ATP5PO: variants seen among roughly 807,000 people sequenced by gnomAD.
The protein encoded by ATP5PO is ATP synthase peripheral stalk subunit OSCP, mitochondrial.
Under a neutral mutation model 26.2 loss-of-function variants are expected in ATP5PO, and 14 were observed. That is an observed-to-expected ratio of 0.53 (90% CI 0.35 to 0.83). The LOEUF is 0.83. ATP5PO is among the 40% of genes least tolerant of loss of function. The pLI, the probability that ATP5PO is intolerant of heterozygous loss-of-function variation, is 0.01. For missense variants in ATP5PO, 241 were observed against 258.5 expected, an observed-to-expected ratio of 0.93 and a Z score of 0.46; for synonymous variants, 106 against 95.1, an observed-to-expected ratio of 1.12 and a Z score of -0.67.
chr21:33,907,253 G>C (rs920754328), intron 5 of ATP5PO, 88 bp downstream of exon 5: 1 of 1,185,706 alleles, frequency 8.4e-7, no homozygotes, highest in East Asian at 2.4e-5. Context: ...CCAATTTCTT[G>C]ATTTTACCCT....
intron 3 of ATP5PO, among the ~76,000 whole-genome samples, chr21:33,911,662 G>GTTTTTTTTTTTTTT (rs58774588): frequency 1.2e-4 from 11 of 92,080 alleles, no homozygotes; most frequent in Non-Finnish European, 1.6e-4. Context: ...ATAAGCATAG[G>GTTTTTTTTTTTTTT]TTTTTTTTTT....
chr21:33,914,391 G>T, intron 2 of ATP5PO, 59 bp downstream of exon 2: 1 of 1,529,390 alleles, frequency 6.5e-7, no homozygotes, highest in Non-Finnish European at 9.0e-7. Flanking sequence ...TGACTGTACT[G>T]CTGTTTGACT....
intron 3 of ATP5PO, 109 bp downstream of exon 3, chr21:33,912,180 T>C: frequency 1.2e-6 from 1 of 817,808 alleles, no homozygotes; most frequent in Non-Finnish European, 1.8e-6. Context: ...ACAATGGCTT[T>C]TTCCCAGTTT....
At chr21:33,911,759 C>T (rs376417982) in intron 3 of ATP5PO, among the ~76,000 whole-genome samples, 4 of 150,672 alleles carry the variant, frequency 2.7e-5, no homozygotes, top group African/African-American at 9.8e-5. Flanking sequence ...CTCGGCTTCC[C>T]AGGTTCAAGC....
At chr21:33,903,777 G>T in intron 6 of ATP5PO, 138 bp from the exon 7 acceptor site, 2 of 1,094,340 alleles carry the variant, frequency 1.8e-6, no homozygotes, top group Non-Finnish European at 2.6e-6. Context: ...AAGTAAAACT[G>T]CACAGTCAGA....
chr21:33,913,568 G>C (rs549184621), intron 2 of ATP5PO, among the ~76,000 whole-genome samples: 1 of 152,234 alleles, frequency 6.6e-6, no homozygotes, highest in Non-Finnish European at 1.5e-5. Flanking sequence ...TCATTTCAGG[G>C]GGCCTTCTGG....
rs141948301 is a variant in ATP5PO, at chr21:33,911,017, T to C, written c.198+1272A>G. ...TCTAAACAATAAAAACTTGCAGATA[T>C]GTGAATTAAAGAATGAAGAATCTTA... On this transcript the variant is annotated intron_variant, in intron 3 of 6. Transcript: ENST00000290299. Among the ~76,000 whole-genome samples, 1,480 of 152,306 alleles carry C rather than the reference T, an allele frequency of 9.7e-3. 20 individuals carry two copies. The highest frequency in any genetic ancestry group is 0.034 in the African/African-American group (1,405 of 41,554).
chr21:33,915,675 G>A, intron 1 of ATP5PO, 53 bp downstream of exon 1: 1 of 1,546,542 alleles, frequency 6.5e-7, no homozygotes, highest in Non-Finnish European at 8.7e-7. Flanking sequence ...GTTTGGTACC[G>A]GTCATCCCAG....
chr21:33,903,843 GA>G (rs1987134231), intron 6 of ATP5PO, 91 bp downstream of exon 6: 6 of 1,206,140 alleles, frequency 5.0e-6, no homozygotes, highest in Middle Eastern at 2.2e-4. Context: ...AATTAGTATA[GA>G]GTTAGATCTA....
At chr21:33,908,394 T>C (rs146654600) in intron 4 of ATP5PO, among the ~76,000 whole-genome samples, 131 of 152,218 alleles carry the variant, frequency 8.6e-4, no homozygotes, top group African/African-American at 3.0e-3. Flanking sequence ...AACTTTTATT[T>C]TGAGCTGGCT....
At chr21:33,905,193 A>G (rs967271853) in intron 5 of ATP5PO, among the ~76,000 whole-genome samples, 1 of 152,070 alleles carries the variant, frequency 6.6e-6, no homozygotes, top group Non-Finnish European at 1.5e-5. Flanking sequence ...GCCAGAATCT[A>G]TTCGTGTTCA....
chr21:33,914,612 C>T (rs1987290399), intron 1 of ATP5PO, 112 bp from the exon 2 acceptor site: 1 of 991,120 alleles, frequency 1.0e-6, no homozygotes, highest in Non-Finnish European at 1.5e-6. Context: ...ACTTTTGTCT[C>T]TTTGTATATT....
chr21:33,914,435 T>C lies in ATP5PO; in HGVS notation c.87+15A>G. The C allele has an allele frequency of 6.2e-7, 1 of 1,610,044 alleles. No individual in the cohort carries two copies. The highest frequency in any genetic ancestry group is 1.1e-5 in the South Asian group (1 of 90,696). On this transcript the variant is annotated intron_variant, in intron 2 of 6. Transcript: ENST00000290299. Reference sequence around the variant, plus strand: ...CGCGTACTTTATCATTACAGAAGAATATAAATTAACATACCCTCACAAGCT... The same window carrying C: ...CGCGTACTTTATCATTACAGAAGAACATAAATTAACATACCCTCACAAGCT...
Position 33,915,744 on chromosome 21 carries a change from G to C in ATP5PO, c.20C>G (p.Ser7Cys), listed in dbSNP as rs781740423. The change falls in exon 1 of 7, where the codon TCC becomes TGC. Residue 7 changes from serine (S) to cysteine (C), a missense_variant. By Grantham distance (112) the Ser-to-Cys change is moderately radical (BLOSUM62 -1). Transcript: ENST00000290299. ...TTCTCTCACCTGCCGGGAGAGCCCG[G>C]ACACTGCTGGGGCAGCCATCTTCTC... MAAPAV[S>C]GLSRQVRCFS... The C allele has an allele frequency of 3.4e-5, 54 of 1,577,014 alleles. No homozygotes were observed. Among genetic ancestry groups the C allele is most frequent in the Non-Finnish European group, 3.4e-5 (40 of 1,161,488 alleles).
chr21:33,915,790 C>T lies in ATP5PO; in HGVS notation c.-27G>A. ...TTCTCCCGGGCGGCTGTAGGTCAAA[C>T]CCGAGTGGGAAGAGAGAAACGCGCA... is the stretch of plus-strand genomic sequence containing the variant. On this transcript the variant is annotated 5_prime_UTR_variant, in exon 1 of 7. Coordinates refer to ENST00000290299, the MANE Select transcript of ATP5PO (RefSeq NM_001697.3). 6.4e-7 allele frequency: 1 copy of T among 1,559,330 alleles called. No individual in the cohort carries two copies. The highest frequency in any genetic ancestry group is 2.4e-5 in the East Asian group (1 of 42,220).
intron 3 of ATP5PO, among the ~76,000 whole-genome samples, chr21:33,910,407 T>C (rs1987232440): frequency 6.6e-6 from 1 of 152,240 alleles, no homozygotes; most frequent in Non-Finnish European, 1.5e-5. Flanking sequence ...TGTTTATCTG[T>C]GTCTCCTGCA....
At chr21:33,910,019 G>T (rs1987227925) in intron 3 of ATP5PO, among the ~76,000 whole-genome samples, 1 of 152,230 alleles carries the variant, frequency 6.6e-6, no homozygotes, top group Non-Finnish European at 1.5e-5. Context: ...GAGTCTGGGA[G>T]ACAGAGTGGA....
Position 33,915,752 on chromosome 21 carries a change from T to A in ATP5PO, c.12A>T (p.Pro4=). The A allele has an allele frequency of 6.3e-7, 1 of 1,576,414 alleles. No homozygotes were observed. Among genetic ancestry groups the A allele is most frequent in the Non-Finnish European group, 8.6e-7 (1 of 1,161,180 alleles). Residue 4 remains proline (P), a synonymous_variant, in exon 1 of 7, where the codon CCA becomes CCT. Transcript: ENST00000290299. MAA[P]AVSGLSRQVR... Reference sequence around the variant, plus strand: ...CCTGCCGGGAGAGCCCGGACACTGCTGGGGCAGCCATCTTCTCCCGGGCGG... The same window carrying A: ...CCTGCCGGGAGAGCCCGGACACTGCAGGGGCAGCCATCTTCTCCCGGGCGG...
intron 3 of ATP5PO, among the ~76,000 whole-genome samples, chr21:33,909,966 G>A (rs1987227224): frequency 6.6e-6 from 1 of 152,226 alleles, no homozygotes; most frequent in Non-Finnish European, 1.5e-5. Context: ...AGGGAACCCA[G>A]CAGATTCTGT....
Sources: allele counts gnomAD v4.1 joint callset (sites outside exome capture counted in the v4.1 genomes callset), GRCh38; gene constraint gnomAD v4.1.1; transcripts MANE v1.5; gene names NCBI Gene and HGNC (gene_info 2026-07-23, HGNC 2026-07-21).